Variants in BTN2A2 observed in about 807,000 individuals in gnomAD.
BTN2A2 encodes the protein butyrophilin subfamily 2 member A2.
In BTN2A2, 29 loss-of-function variants were observed where a neutral mutation model predicts 34.7. The observed-to-expected ratio is 0.84, with a 90% CI of 0.62 to 1.14. BTN2A2 has a LOEUF of 1.14. Among genes scored for constraint, BTN2A2 ranks in the 50% most tolerant of loss-of-function variants. BTN2A2 has a pLI of 0.00. For missense variants in BTN2A2, 612 were observed against 651.5 expected (o/e 0.94, Z 0.66); for synonymous variants, 240 against 253.1 (o/e 0.95, Z 0.49).
At chr6:26,391,040 C>A in intron 7 of BTN2A2, 1 of 661,478 alleles carries the variant, frequency 1.5e-6, no homozygotes, top group South Asian at 1.9e-5. Context: ...AGTTTACATC[C>A]CCAGGACCCT....
In BTN2A2 at chr6:26,385,336, A is replaced by C; in HGVS notation, c.416A>C (p.Glu139Ala). Residue 139 changes from glutamate to alanine, a missense_variant, in exon 3 of 8, where the codon GAG (glutamate) becomes GCG (alanine). By Grantham distance (107) the Glu-to-Ala change is moderately radical. Coordinates refer to ENST00000356709, the MANE Select transcript of BTN2A2 (RefSeq NM_006995.5). ...CYFQEGRSYDEAILRLVVAGL... is the reference protein window; with the variant it reads ...CYFQEGRSYDAAILRLVVAGL... The stretch of plus-strand genomic sequence containing the variant: ...TTCCAAGAAGGCAGGTCCTACGATG[A>C]GGCCATCCTACGCCTCGTGGTGGCA... 6.2e-7 allele frequency: 1 copy of C among 1,613,730 alleles called. No homozygotes were observed. The highest frequency in any genetic ancestry group is 8.5e-7 in the Non-Finnish European group (1 of 1,179,700).
At chr6:26,390,465 T>C in intron 5 of BTN2A2, 2 of 699,734 alleles carry the variant, frequency 2.9e-6, no homozygotes, top group Admixed American at 5.0e-5. Flanking sequence ...TATGCAGCAC[T>C]ACATGGCTGA....
rs2050824303 is a variant in BTN2A2, at chr6:26,393,606, T to C, written c.*639T>C. On this transcript the variant is annotated 3_prime_UTR_variant, in exon 8 of 8. Coordinates refer to ENST00000356709, the MANE Select transcript of BTN2A2 (RefSeq NM_006995.5). ...AAGATGAATGAAGAACATGGACTCATGTGGATGTGGTTTGGCTCAGATGTC... is the reference window on the plus strand; with the variant it reads ...AAGATGAATGAAGAACATGGACTCACGTGGATGTGGTTTGGCTCAGATGTC... The C allele has an allele frequency of 3.0e-6, 3 of 1,001,874 alleles. No individual in the cohort carries two copies. The highest frequency in any genetic ancestry group is 3.6e-6 in the Non-Finnish European group (3 of 840,074). The allele number at this position is 1,001,874 out of a possible 1,614,324, so 62.1% of individuals were successfully genotyped here. A position where few individuals can be genotyped will look rare whatever the true frequency, so the allele number is the denominator to read the frequency against.
intron 7 of BTN2A2, chr6:26,392,028 T>C: frequency 6.3e-6 from 4 of 631,936 alleles, no homozygotes; most frequent in Non-Finnish European, 1.1e-5. Context: ...AGTTTCTAAC[T>C]AAAGAAAGTC....
chr6:26,393,825 T>C lies in BTN2A2; in HGVS notation c.*858T>C. 1 of 912,902 alleles carries C rather than the reference T, an allele frequency of 1.1e-6. No individual in the cohort carries two copies. Among genetic ancestry groups the C allele is most frequent in the Non-Finnish European group, 1.3e-6 (1 of 763,756 alleles). 56.6% of individuals were successfully genotyped at this position (912,902 alleles called of 1,614,324 possible). A position where few individuals can be genotyped will look rare whatever the true frequency, so the allele number is the denominator to read the frequency against. On this transcript the variant is annotated 3_prime_UTR_variant, in exon 8 of 8. Transcript: ENST00000356709. Reference sequence around the variant, plus strand: ...TATTGAGGACTTTAAAGAGCTTTTGTTTATTTGGGTTAATATTTATGACAT... The same window carrying C: ...TATTGAGGACTTTAAAGAGCTTTTGCTTATTTGGGTTAATATTTATGACAT...
At chr6:26,390,463 A>G in intron 5 of BTN2A2, 1 of 688,342 alleles carries the variant, frequency 1.5e-6, no homozygotes, top group Non-Finnish European at 2.4e-6. Context: ...TATATGCAGC[A>G]CTACATGGCT....
chr6:26,388,605 G>A (rs950178161), intron 4 of BTN2A2, among the ~76,000 whole-genome samples: 1 of 152,166 alleles, frequency 6.6e-6, no homozygotes, highest in Non-Finnish European at 1.5e-5. Context: ...GTGGGTGGGT[G>A]ACTGTCTATG....
chr6:26,385,317 G>A lies in BTN2A2; in HGVS notation c.397G>A (p.Glu133Lys). Residue 133 changes from glutamate to lysine, a missense_variant, in exon 3 of 8, where the codon GAA becomes AAA. Transcript: ENST00000356709. Reference protein sequence around the residue: ...ENGIYRCYFQEGRSYDEAILR... With the variant: ...ENGIYRCYFQKGRSYDEAILR... ...TGGGATCTACCGCTGTTACTTCCAA[G>A]AAGGCAGGTCCTACGATGAGGCCAT... 1.2e-6 allele frequency: 2 copies of A among 1,614,146 alleles called. No homozygotes were observed. Among genetic ancestry groups the A allele is most frequent in the African/African-American group, 2.7e-5 (2 of 75,032 alleles).
chr6:26,393,948 G>GA lies in BTN2A2; in HGVS notation c.*986dup, dbSNP rs138497943. On this transcript the variant is annotated 3_prime_UTR_variant, in exon 8 of 8. Transcript: ENST00000356709. Reference sequence around the variant, plus strand: ...GGTTAATGTAGATAGGATGTTTTGTGAAAAAGCAATCTATTGTGTCCAAAT... The same window carrying GA: ...GGTTAATGTAGATAGGATGTTTTGTGAAAAAAGCAATCTATTGTGTCCAAAT... The GA allele has an allele frequency of 2.6e-3, 787 of 301,742 alleles. 3 individuals are homozygous for GA. The highest frequency in any genetic ancestry group is 0.015 in the African/African-American group (689 of 45,674). 18.7% of individuals were successfully genotyped at this position (301,742 alleles called of 1,614,324 possible).
At position 26,393,296 on chromosome 6, in the gene BTN2A2, C is replaced by T. The variant is rs977898485; in HGVS notation, c.*329C>T. 1.5e-6 allele frequency: 2 copies of T among 1,309,270 alleles called. No individual in the cohort carries two copies. The highest frequency in any genetic ancestry group is 2.0e-6 in the Non-Finnish European group (2 of 1,016,674). The allele number at this position is 1,309,270 out of a possible 1,614,324, so 81.1% of individuals were successfully genotyped here. On this transcript the variant is annotated 3_prime_UTR_variant, in exon 8 of 8. Transcript: ENST00000356709. ...TTAAAATCAGGATAACCACATTAAG[C>T]CCAATATGCCAGTTGGCACCAGATG...
chr6:26,393,817 A>G lies in BTN2A2; in HGVS notation c.*850A>G. 1 of 950,566 alleles carries G rather than the reference A, an allele frequency of 1.1e-6. No homozygotes were observed. The highest frequency in any genetic ancestry group is 1.3e-6 in the Non-Finnish European group (1 of 798,080). The allele number at this position is 950,566 out of a possible 1,614,324, so 58.9% of individuals were successfully genotyped here. A position where few individuals can be genotyped will look rare whatever the true frequency, so the allele number is the denominator to read the frequency against. On this transcript the variant is annotated 3_prime_UTR_variant, in exon 8 of 8. Coordinates refer to ENST00000356709, the MANE Select transcript of BTN2A2 (RefSeq NM_006995.5). ...TTAGAAGTTATTGAGGACTTTAAAG[A>G]GCTTTTGTTTATTTGGGTTAATATT...
chr6:26,393,991 G>C lies in BTN2A2; in HGVS notation c.*1024G>C, dbSNP rs1295584624. 1 of 308,820 alleles carries C rather than the reference G, an allele frequency of 3.2e-6. No homozygotes were observed. Among genetic ancestry groups the C allele is most frequent in the African/African-American group, 2.1e-5 (1 of 46,624 alleles). The allele number at this position is 308,820 out of a possible 1,614,324, so 19.1% of individuals were successfully genotyped here. On this transcript the variant is annotated 3_prime_UTR_variant, in exon 8 of 8. Transcript: ENST00000356709. The stretch of plus-strand genomic sequence containing the variant: ...GTCCAAATAAAAAAACAAAAAGTGT[G>C]ACACTGGTTAACTTTTTCCAGATCT...
At position 26,384,244 on chromosome 6, in the gene BTN2A2, G is replaced by A. The variant is rs1761042006; in HGVS notation, c.94+329G>A. Among the ~76,000 whole-genome samples, 1 of 152,050 alleles carries A rather than the reference G, an allele frequency of 6.6e-6. No individual in the cohort carries two copies. The highest frequency in any genetic ancestry group is 1.5e-5 in the Non-Finnish European group (1 of 68,010). ...AACTCACTGTAACCTGAAACTCCTGGGCTCAAGGGATCCTCCCATCTCAGC... is the reference window on the plus strand; with the variant it reads ...AACTCACTGTAACCTGAAACTCCTGAGCTCAAGGGATCCTCCCATCTCAGC... On this transcript the variant is annotated intron_variant, in intron 2 of 7. Transcript: ENST00000356709. The surrounding 1 kb of genome is among the most constrained non-coding windows in gnomAD (Gnocchi z 4.0).
chr6:26,390,955 C>A, intron 7 of BTN2A2, 126 bp downstream of exon 7: 1 of 1,432,816 alleles, frequency 7.0e-7, no homozygotes, highest in Non-Finnish European at 9.8e-7. Flanking sequence ...GGGGTCAGTT[C>A]ATCAACGGTG....
chr6:26,390,202 G>A lies in BTN2A2; in HGVS notation c.922G>A (p.Glu308Lys). The change falls in exon 5 of 8, where the codon GAA becomes AAA. Residue 308 changes from glutamate (E) to lysine (K), a missense_variant. Glu to Lys is a moderately conservative substitution (Grantham distance 56, BLOSUM62 1). Transcript: ENST00000356709. ...AAAGAAAGTTGAACAAGAGGAAAAA[G>A]AAATTGCACGTAAGGAATTTGTAAA... Reference protein sequence around the residue: ...GEKKVEQEEKEIAQQLQEELR... With the variant: ...GEKKVEQEEKKIAQQLQEELR... 1 of 1,613,766 alleles carries A rather than the reference G, an allele frequency of 6.2e-7. No individual in the cohort carries two copies. Among genetic ancestry groups the A allele is most frequent in the Non-Finnish European group, 8.5e-7 (1 of 1,179,866 alleles).
In BTN2A2 at chr6:26,385,107, G is replaced by T. The variant is rs905393642; in HGVS notation, c.187G>T (p.Ala63Ser). Reference protein sequence around the residue: ...LRCHLSPEKNAEDMEVRWFRS... With the variant: ...LRCHLSPEKNSEDMEVRWFRS... ...CTGCCATCTGTCACCCGAGAAAAAT[G>T]CTGAGGACATGGAGGTGCGGTGGTT... Residue 63 changes from alanine (A) to serine (S), a missense_variant, in exon 3 of 8, where the codon GCT becomes TCT. Ala to Ser is a moderately conservative substitution (Grantham distance 99, BLOSUM62 1). Transcript: ENST00000356709. The T allele has an allele frequency of 3.7e-6, 6 of 1,613,922 alleles. No homozygotes were observed. The highest frequency in any genetic ancestry group is 5.1e-6 in the Non-Finnish European group (6 of 1,179,980).
At chr6:26,390,970 A>T in intron 7 of BTN2A2, 141 bp downstream of exon 7, 2 of 1,250,470 alleles carry the variant, frequency 1.6e-6, no homozygotes, top group Non-Finnish European at 2.3e-6. Flanking sequence ...ACGGTGTCCC[A>T]GCAATGATGC....
At chr6:26,385,697 T>A (rs1257694153) in intron 3 of BTN2A2, 1 of 213,588 alleles carries the variant, frequency 4.7e-6, no homozygotes, top group Non-Finnish European at 9.5e-6. Flanking sequence ...ATTACAGGCA[T>A]ACACCACCAT....
At position 26,384,017 on chromosome 6, in the gene BTN2A2, T is replaced by C. The variant is rs2113737308; in HGVS notation, c.94+102T>C. 1 of 1,317,118 alleles carries C rather than the reference T, an allele frequency of 7.6e-7. No individual in the cohort carries two copies. The highest frequency in any genetic ancestry group is 1.1e-6 in the Non-Finnish European group (1 of 921,360). The allele number at this position is 1,317,118 out of a possible 1,614,324, so 81.6% of individuals were successfully genotyped here. On this transcript the variant is annotated intron_variant, in intron 2 of 7. Transcript: ENST00000356709. This position sits in a 1 kb window ranked among gnomAD's most constrained non-coding sequence, Gnocchi z 4.0. ...GAAGAACTGTGGGGTTGTTGACTTA[T>C]CCTTTCATTCTGAACATGTTCACTG...
Sources: gnomAD v4.1 joint callset for allele counts (sites outside exome capture counted in the v4.1 genomes callset) on GRCh38, gnomAD v4.1.1 for gene constraint, Gnocchi (gnomAD v3.1) non-coding constraint, MANE v1.5 for transcripts, NCBI Gene and HGNC (gene_info 2026-07-23, HGNC 2026-07-21) for gene names.